The following FBN1 variants were observed in gnomAD, a reference collection of about 807,000 sequenced individuals.
FBN1 encodes fibrillin-1.
In FBN1, 29 loss-of-function variants were observed where a neutral mutation model predicts 365.1. That is an observed-to-expected ratio of 0.08 (90% CI 0.06 to 0.11). The LOEUF (loss-of-function observed/expected upper bound fraction) is 0.11, where lower values mean the gene tolerates loss of function less well. Among genes scored for constraint, FBN1 ranks in the 10% least tolerant of loss-of-function variants. FBN1 has a pLI of 1.00. For synonymous variants in FBN1, 1,210 were observed against 1,270.5 expected (o/e 0.95, Z 1.01); for missense variants, 2,476 against 3,703.2 (o/e 0.67, Z 8.60).
chr15:48,607,635 C>T (rs555721327), intron 4 of FBN1, among the ~76,000 whole-genome samples: 1 of 151,918 alleles, frequency 6.6e-6, no homozygotes, highest in South Asian at 2.1e-4. Flanking sequence ...ATCTGCTGGC[C>T]TCTTGATCTT....
At chr15:48,600,479 G>A (rs533915913) in intron 4 of FBN1, among the ~76,000 whole-genome samples, 1 of 152,304 alleles carries the variant, frequency 6.6e-6, no homozygotes, top group Non-Finnish European at 1.5e-5. Flanking sequence ...CAAGGTAGGC[G>A]GATCACCTGA....
chr15:48,457,899 C>A (rs1332229766), intron 43 of FBN1, among the ~76,000 whole-genome samples: 2 of 152,034 alleles, frequency 1.3e-5, no homozygotes, highest in Non-Finnish European at 2.9e-5. Context: ...GACACTGGGA[C>A]TCAGTTAACA....
intron 6 of FBN1, among the ~76,000 whole-genome samples, chr15:48,585,124 T>A (rs1344064389): frequency 1.3e-5 from 2 of 152,192 alleles, no homozygotes; most frequent in East Asian, 3.8e-4. Context: ...TCAATTTGGA[T>A]AAAAGTTGCC....
intron 24 of FBN1, 136 bp downstream of exon 24, chr15:48,492,325 T>A: frequency 1.3e-6 from 1 of 788,452 alleles, no homozygotes; most frequent in Non-Finnish European, 2.1e-6. Context: ...GGAGTGGCCA[T>A]GGACCCTATC....
chr15:48,562,002 G>A (rs1225782078), intron 6 of FBN1, among the ~76,000 whole-genome samples: 2 of 152,122 alleles, frequency 1.3e-5, no homozygotes, highest in Non-Finnish European at 2.9e-5. Flanking sequence ...TTTTGATTCT[G>A]CTGGGGGCCA....
intron 6 of FBN1, among the ~76,000 whole-genome samples, chr15:48,581,584 C>G (rs1049815062): frequency 6.6e-6 from 1 of 152,098 alleles, no homozygotes; most frequent in Non-Finnish European, 1.5e-5. Flanking sequence ...GACAAGCTCT[C>G]CTTGACAAAA....
intron 12 of FBN1, among the ~76,000 whole-genome samples, chr15:48,514,729 T>C (rs2043787214): frequency 6.6e-6 from 1 of 152,202 alleles, no homozygotes; most frequent in Non-Finnish European, 1.5e-5. Flanking sequence ...GGGATATTTT[T>C]AACGCTTTCT....
intron 2 of FBN1, among the ~76,000 whole-genome samples, chr15:48,635,204 T>C (rs1162447811): frequency 2.0e-5 from 3 of 152,320 alleles, no homozygotes; most frequent in Middle Eastern, 3.4e-3. Flanking sequence ...CTGTCTGGAA[T>C]ACATCTCCGG....
At chr15:48,517,650 T>C (rs1409742927) in intron 10 of FBN1, among the ~76,000 whole-genome samples, 2 of 152,234 alleles carry the variant, frequency 1.3e-5, no homozygotes, top group Admixed American at 6.5e-5. Flanking sequence ...GATGTATTTA[T>C]TTTATTTATT....
chr15:48,414,056 T>A (rs1281156476), intron 64 of FBN1, among the ~76,000 whole-genome samples: 2 of 152,220 alleles, frequency 1.3e-5, no homozygotes, highest in Non-Finnish European at 2.9e-5. Flanking sequence ...ATTTGCAGGC[T>A]TTGGTTCCTT....
chr15:48,629,416 T>C (rs902299340), intron 2 of FBN1, among the ~76,000 whole-genome samples: 1 of 152,200 alleles, frequency 6.6e-6, no homozygotes, highest in Non-Finnish European at 1.5e-5. Context: ...TTGCAAAATA[T>C]GGACTTTTTT....
At chr15:48,560,892 T>C (rs1451785922) in intron 6 of FBN1, among the ~76,000 whole-genome samples, 4 of 152,136 alleles carry the variant, frequency 2.6e-5, no homozygotes, top group African/African-American at 9.7e-5. Flanking sequence ...CTCTAAACCA[T>C]ATAACCTCTC....
chr15:48,567,733 T>C (rs117631610), intron 6 of FBN1, among the ~76,000 whole-genome samples: 6,630 of 152,112 alleles, frequency 0.044, 174 homozygotes, highest in Non-Finnish European at 0.062. Context: ...TCAATAGATA[T>C]AGACCAAGCA....
At chr15:48,465,030 T>C (rs1419176764) in intron 40 of FBN1, among the ~76,000 whole-genome samples, 1 of 152,234 alleles carries the variant, frequency 6.6e-6, no homozygotes, top group Non-Finnish European at 1.5e-5. Flanking sequence ...ATGAAAACCA[T>C]GGCTCATGGC....
chr15:48,575,802 TACAC>T (rs58125518), intron 6 of FBN1, among the ~76,000 whole-genome samples: 9,763 of 140,110 alleles, frequency 0.07, 490 homozygotes, highest in African/African-American at 0.15. Flanking sequence ...AAATGTGAGA[TACAC>T]ACACACACAC....
intron 24 of FBN1, among the ~76,000 whole-genome samples, chr15:48,490,534 A>G (rs1281436123): frequency 6.6e-6 from 1 of 152,166 alleles, no homozygotes; most frequent in African/African-American, 2.4e-5. Context: ...TCATTTTTGG[A>G]AAGGTGGAAT....
intron 55 of FBN1, among the ~76,000 whole-genome samples, chr15:48,432,305 A>T (rs913307250): frequency 1.1e-4 from 17 of 152,216 alleles, no homozygotes; most frequent in Admixed American, 1.0e-3. Flanking sequence ...AGCAAATCAG[A>T]GCTCTTCAAG....
chr15:48,463,372 CA>C (rs1354596824), intron 41 of FBN1, 132 bp from the exon 42 acceptor site: 7 of 923,522 alleles, frequency 7.6e-6, no homozygotes, highest in South Asian at 5.4e-5. Context: ...GATAAGGACA[CA>C]AAAAACTTGC....
At chr15:48,455,252 C>A (rs1339603704) in intron 44 of FBN1, among the ~76,000 whole-genome samples, 1 of 152,212 alleles carries the variant, frequency 6.6e-6, no homozygotes, top group Non-Finnish European at 1.5e-5. Flanking sequence ...GCTACCCTGA[C>A]AGCAAAATGC....
Sources: allele counts gnomAD v4.1 joint callset (sites outside exome capture counted in the v4.1 genomes callset), GRCh38; gene constraint gnomAD v4.1.1; transcripts MANE v1.5; gene names NCBI Gene and HGNC (gene_info 2026-07-23, HGNC 2026-07-21).